The following KCNH8 variants were observed in gnomAD, a reference collection of about 807,000 sequenced individuals.
KCNH8 encodes the protein potassium voltage-gated channel subfamily H member 8, also known as voltage-gated delayed rectifier potassium channel KCNH8.
Under a neutral mutation model 103.6 loss-of-function variants are expected in KCNH8, and 70 were observed. The observed-to-expected ratio is 0.68, with a 90% CI of 0.56 to 0.82. The LOEUF (loss-of-function observed/expected upper bound fraction) is 0.82, where lower values mean the gene tolerates loss of function less well. Ranked by LOEUF, KCNH8 falls within the 40% of genes least tolerant of loss-of-function variation. KCNH8 has a pLI of 0.00. For missense variants in KCNH8, 1,217 were observed against 1,329.9 expected (o/e 0.92, Z 1.32); for synonymous variants, 498 against 489.4 (o/e 1.02, Z -0.23).
intron 6 of KCNH8, among the ~76,000 whole-genome samples, chr3:19,391,236 CCTT>C (rs1465514418): frequency 2.6e-5 from 4 of 152,010 alleles, no homozygotes; most frequent in African/African-American, 9.7e-5. Flanking sequence ...AATCTTGGTA[CCTT>C]CTTTTTCTTG....
intron 8 of KCNH8, among the ~76,000 whole-genome samples, chr3:19,440,245 CAAG>C (rs990963965): frequency 8.6e-5 from 13 of 151,812 alleles, no homozygotes; most frequent in Middle Eastern, 3.4e-3. Flanking sequence ...TTTTTTTAAG[CAAG>C]AAGAAGAGAA....
chr3:19,469,949 G>A (rs2067821576), intron 11 of KCNH8, among the ~76,000 whole-genome samples: 1 of 152,058 alleles, frequency 6.6e-6, no homozygotes, highest in African/African-American at 2.4e-5. Context: ...TGGAGTCCAA[G>A]GTCATGTTCC....
At chr3:19,180,885 G>C (rs1159066059) in intron 1 of KCNH8, among the ~76,000 whole-genome samples, 1 of 151,882 alleles carries the variant, frequency 6.6e-6, no homozygotes, top group Non-Finnish European at 1.5e-5. Flanking sequence ...TAATTGCATA[G>C]GGTGATCACA....
At chr3:19,500,467 A>C (rs867351210) in intron 11 of KCNH8, among the ~76,000 whole-genome samples, 54 of 147,362 alleles carry the variant, frequency 3.7e-4, no homozygotes, top group African/African-American at 1.3e-3. Flanking sequence ...CTCCACCCCA[A>C]ATCAACAGAA....
At chr3:19,477,638 A>G (rs1271168959) in intron 11 of KCNH8, among the ~76,000 whole-genome samples, 1 of 152,192 alleles carries the variant, frequency 6.6e-6, no homozygotes, top group Non-Finnish European at 1.5e-5. Context: ...GGAAGCAACA[A>G]ACAAGGAATC....
intron 5 of KCNH8, among the ~76,000 whole-genome samples, chr3:19,385,403 C>T (rs1273234530): frequency 6.6e-6 from 1 of 152,080 alleles, no homozygotes; most frequent in African/African-American, 2.4e-5. Context: ...ACTAATGCAA[C>T]TATGAATAAT....
At chr3:19,444,107 T>C (rs1048374201) in intron 8 of KCNH8, among the ~76,000 whole-genome samples, 1 of 152,024 alleles carries the variant, frequency 6.6e-6, no homozygotes, top group Non-Finnish European at 1.5e-5. Flanking sequence ...AAGAACAAAA[T>C]TGGAAGATTT....
intron 15 of KCNH8, among the ~76,000 whole-genome samples, chr3:19,530,648 A>T (rs1224450736): frequency 3.3e-5 from 5 of 152,190 alleles, no homozygotes; most frequent in Non-Finnish European, 1.5e-5. Context: ...TTTAGAGATG[A>T]CGCTATTTAC....
At chr3:19,442,633 T>C (rs1009655065) in intron 8 of KCNH8, among the ~76,000 whole-genome samples, 2 of 152,146 alleles carry the variant, frequency 1.3e-5, no homozygotes, top group African/African-American at 4.8e-5. Flanking sequence ...TAAGTGGCAT[T>C]AAAAAATTTA....
rs527774420 is a variant in KCNH8 at position 19,169,221 on chromosome 3, A to G, written c.76+20426A>G. On this transcript the variant is annotated intron_variant, in intron 1 of 15. Coordinates refer to ENST00000328405, the MANE Select transcript of KCNH8 (RefSeq NM_144633.3). ...TTAGAAACTCCACCCCAAATCTCCA[A>G]ATCTCCTAATCTCACTCTTTTGTTT... Among the ~76,000 whole-genome samples, 32 of 151,454 alleles carry G rather than the reference A, an allele frequency of 2.1e-4. No individual in the cohort carries two copies. In the East Asian group the frequency reaches 4.5e-3, roughly 21 times the overall value.
intron 7 of KCNH8, among the ~76,000 whole-genome samples, chr3:19,434,855 T>C (rs900060959): frequency 2.6e-5 from 4 of 152,090 alleles, no homozygotes; most frequent in African/African-American, 9.7e-5. Flanking sequence ...TTGGGACACA[T>C]TTTCCCACTA....
chr3:19,336,791 A>G (rs1021631106), intron 3 of KCNH8, among the ~76,000 whole-genome samples: 1 of 151,982 alleles, frequency 6.6e-6, no homozygotes, highest in Non-Finnish European at 1.5e-5. Context: ...AAGTTTCTGC[A>G]TTGATATTTA....
intron 11 of KCNH8, among the ~76,000 whole-genome samples, chr3:19,492,064 T>G (rs2068334642): frequency 6.6e-6 from 1 of 152,228 alleles, no homozygotes; most frequent in South Asian, 2.1e-4. Flanking sequence ...TTATAGATTC[T>G]GGATAATCAG....
At chr3:19,292,427 C>T (rs182327216) in intron 3 of KCNH8, among the ~76,000 whole-genome samples, 1 of 152,272 alleles carries the variant, frequency 6.6e-6, no homozygotes, top group Non-Finnish European at 1.5e-5. Context: ...TTGTTAATTA[C>T]ACTGGTAAAA....
intron 11 of KCNH8, among the ~76,000 whole-genome samples, chr3:19,476,377 C>T (rs1312897982): frequency 2.6e-5 from 4 of 152,154 alleles, no homozygotes; most frequent in East Asian, 1.9e-4. Flanking sequence ...AGTTGTGATG[C>T]GCAAACTTCT....
chr3:19,214,206 A>AT (rs924846312), intron 1 of KCNH8, among the ~76,000 whole-genome samples: 18 of 152,216 alleles, frequency 1.2e-4, no homozygotes, highest in East Asian at 1.9e-4. Context: ...CCTTCCTTGG[A>AT]TTTTTTCCCT....
intron 11 of KCNH8, among the ~76,000 whole-genome samples, chr3:19,478,889 G>C (rs944701470): frequency 2.0e-5 from 3 of 152,108 alleles, no homozygotes; most frequent in Non-Finnish European, 2.9e-5. Context: ...CCACAAAACA[G>C]AAGCAGCCTA....
chr3:19,245,110 A>C (rs957163959), intron 1 of KCNH8, among the ~76,000 whole-genome samples: 5 of 152,168 alleles, frequency 3.3e-5, no homozygotes, highest in African/African-American at 9.7e-5. Flanking sequence ...TAAATCTTGA[A>C]TCCAACTTGA....
chr3:19,193,628 A>G (rs925132045), intron 1 of KCNH8, among the ~76,000 whole-genome samples: 2 of 151,770 alleles, frequency 1.3e-5, no homozygotes, highest in Admixed American at 6.6e-5. Context: ...AGGTAGATAT[A>G]CAGTATCAAT....
Sources: allele counts gnomAD v4.1 joint callset (sites outside exome capture counted in the v4.1 genomes callset), GRCh38; gene constraint gnomAD v4.1.1; transcripts MANE v1.5; gene names NCBI Gene and HGNC (gene_info 2026-07-23, HGNC 2026-07-21).